TCF25: variants seen among roughly 807,000 people sequenced by gnomAD.
TCF25 encodes ribosome quality control complex subunit TCF25.
In TCF25, 41 loss-of-function variants were observed where a neutral mutation model predicts 83.1. The ratio of observed to expected loss-of-function variants is 0.49; its 90% CI spans 0.38 to 0.64. The LOEUF (loss-of-function observed/expected upper bound fraction) is 0.64. Among genes scored for constraint, TCF25 ranks in the 30% least tolerant of loss-of-function variants. The pLI is 0.00. For missense variants in TCF25, 979 were observed against 914.5 expected (o/e 1.07, Z -0.91); for synonymous variants, 458 against 365.0 (o/e 1.25, Z -2.90).
Position 89,881,299 on chromosome 16 carries a change from C to T in TCF25, c.193-2052C>T, listed in dbSNP as rs1487751771. Among the ~76,000 whole-genome samples the T allele has an allele frequency of 2.6e-5, 4 of 152,234 alleles. No individual in the cohort carries two copies. In the East Asian group the frequency reaches 7.7e-4, roughly 29 times the overall value. ...TATCTCAGGGCTATGGGGCTTGGAG[C>T]TGATTGTGTTTTCTGAGGTTTGTGG... On this transcript the variant is annotated intron_variant, in intron 1 of 17. Transcript: ENST00000263346.
At chr16:89,900,867 T>G in intron 12 of TCF25, 73 bp downstream of exon 12, 2 of 1,412,300 alleles carry the variant, frequency 1.4e-6, no homozygotes, top group Non-Finnish European at 1.9e-6. Flanking sequence ...TTCCTGGTGG[T>G]GGAGGCCAGG....
chr16:89,886,117 T>G (rs1396472511), intron 4 of TCF25, 151 bp downstream of exon 4: 3 of 705,138 alleles, frequency 4.3e-6, no homozygotes, highest in Non-Finnish European at 7.6e-6. Context: ...AAATGTACTG[T>G]CTTTATTTAA....
In TCF25 at chr16:89,911,250, G is replaced by C; in HGVS notation, c.*12G>C. 5 of 1,611,806 alleles carry C rather than the reference G, an allele frequency of 3.1e-6. No homozygotes were observed. Among genetic ancestry groups the C allele is most frequent in the Non-Finnish European group, 4.2e-6 (5 of 1,179,472 alleles). ...GGGAGTGGGACTGAGCGTCCGCAGA[G>C]GTGACCGAAAAGCCGTATGATGATG... On this transcript the variant is annotated 3_prime_UTR_variant, in exon 18 of 18. Coordinates refer to ENST00000263346, the MANE Select transcript of TCF25 (RefSeq NM_014972.3).
intron 16 of TCF25, among the ~76,000 whole-genome samples, chr16:89,907,666 C>G: frequency 1.7e-5 from 2 of 114,422 alleles, no homozygotes; most frequent in Non-Finnish European, 3.5e-5. Flanking sequence ...CTCCCAGCTC[C>G]CTCCTCCCAC....
intron 9 of TCF25, among the ~76,000 whole-genome samples, chr16:89,897,040 A>G (rs2043916189): frequency 6.9e-6 from 1 of 144,334 alleles, no homozygotes; most frequent in Non-Finnish European, 1.5e-5. Flanking sequence ...AAAAAAAAAA[A>G]AGAAGAAGAA....
rs77424615 is a variant in TCF25 at position 89,897,179 on chromosome 16, A to T, written c.1022+1096A>T. Among the ~76,000 whole-genome samples, 1,345 of 152,328 alleles carry T rather than the reference A, an allele frequency of 8.8e-3. 33 individuals are homozygous for T. The South Asian group carries it at 0.091, about 10-fold the overall frequency. ...TGGAAGGCTTTGCAGGTTTGACCTT[A>T]AATCAGTGAGGAGCTCAGAGTCAGC... On this transcript the variant is annotated intron_variant, in intron 9 of 17. Coordinates refer to ENST00000263346, the MANE Select transcript of TCF25 (RefSeq NM_014972.3).
In TCF25 at chr16:89,907,246, G is replaced by A. The variant is rs1290557562; in HGVS notation, c.1723G>A (p.Val575Met). ...CGTTTTATGTCCCTTTCTGAAGGAC[G>A]TGACCACGCAGTCTGTGATGGGGTT... ...KEAVAALPPD[V>M]TTQSVMGFDP... Residue 575 changes from valine (V) to methionine (M), a missense_variant, in exon 16 of 18, where the codon GTG becomes ATG. By Grantham distance (21) the Val-to-Met change is conservative. Transcript: ENST00000263346. The A allele has an allele frequency of 1.5e-5, 24 of 1,612,482 alleles. No individual in the cohort carries two copies. The highest frequency in any genetic ancestry group is 1.6e-4 in the Middle Eastern group (1 of 6,080).
At chr16:89,885,198 A>G (rs977103994) in intron 3 of TCF25, among the ~76,000 whole-genome samples, 1 of 152,126 alleles carries the variant, frequency 6.6e-6, no homozygotes, top group East Asian at 1.9e-4. Flanking sequence ...ATTCCTTCCT[A>G]TTAGGAGTAT....
Position 89,886,070 on chromosome 16 carries a change from T to C in TCF25, c.548+104T>C, listed in dbSNP as rs555381811. 61 of 682,670 alleles carry C rather than the reference T, an allele frequency of 8.9e-5. No homozygotes were observed. The Middle Eastern group carries it at 2.3e-3, about 26-fold the overall frequency. 42.3% of individuals were successfully genotyped at this position (682,670 alleles called of 1,614,324 possible). On this transcript the variant is annotated intron_variant, in intron 4 of 17. Transcript: ENST00000263346. ...CTTCTCTGTGGCTGCCACAGAGACTTCGTGGGAGGAAAAGGTTCTCTAAAA... is the reference window on the plus strand; with the variant it reads ...CTTCTCTGTGGCTGCCACAGAGACTCCGTGGGAGGAAAAGGTTCTCTAAAA...
In TCF25 at chr16:89,888,318, T is replaced by C. The variant is rs886638674; in HGVS notation, c.614+601T>C. 4.2e-5 allele frequency among the ~76,000 whole-genome samples: 6 copies of C among 144,518 alleles called. No homozygotes were observed. The Admixed American group carries it at 4.2e-4, about 10-fold the overall frequency. The allele number at this position is 144,518 out of a possible 152,430, so 94.8% of individuals were successfully genotyped here. A position where few individuals can be genotyped will look rare whatever the true frequency, so the allele number is the denominator to read the frequency against. On this transcript the variant is annotated intron_variant, in intron 5 of 17. Transcript: ENST00000263346. Reference sequence around the variant, plus strand: ...TTTTAAGATTCTAGTTTTGTCGTGGTGGCTCACGCCTGTAATCCCAGCACT... The same window carrying C: ...TTTTAAGATTCTAGTTTTGTCGTGGCGGCTCACGCCTGTAATCCCAGCACT...
At chr16:89,909,177 C>T (rs2045333659) in intron 16 of TCF25, 1 of 1,264,114 alleles carries the variant, frequency 7.9e-7, no homozygotes, top group Admixed American at 2.4e-5. Flanking sequence ...AAAACTGCAC[C>T]AGCCTGGCCA....
rs144168862 is a variant in TCF25 at position 89,900,937 on chromosome 16, C to T, written c.1381+143C>T. 8.6e-3 allele frequency: 8,141 copies of T among 950,936 alleles called. 253 individuals carry two copies. The highest frequency in any genetic ancestry group is 0.069 in the Admixed American group (2,300 of 33,132). 58.9% of individuals were successfully genotyped at this position (950,936 alleles called of 1,614,324 possible). ...TTCTCTGGTAGGGCCTGCAAACCTGCCCTACCAAACCTGAAAGAGGGTCGG... is the reference window on the plus strand; with the variant it reads ...TTCTCTGGTAGGGCCTGCAAACCTGTCCTACCAAACCTGAAAGAGGGTCGG... On this transcript the variant is annotated intron_variant, in intron 12 of 17. Transcript: ENST00000263346.
At chr16:89,908,942 C>G in intron 16 of TCF25, 3 of 1,289,314 alleles carry the variant, frequency 2.3e-6, no homozygotes, top group Non-Finnish European at 3.0e-6. Context: ...GGGCTCAGGG[C>G]TAAGTGGGTC....
At position 89,895,981 on chromosome 16, in the gene TCF25, T is replaced by C. The variant is rs374431497; in HGVS notation, c.929-9T>C. On this transcript the variant is annotated splice_polypyrimidine_tract_variant and intron_variant, in intron 8 of 17. Coordinates refer to ENST00000263346, the MANE Select transcript of TCF25 (RefSeq NM_014972.3). ...ATGACACCCTCCCCTGGCGTCCCTG[T>C]GCCCACAGAGAGAGCGCTGTACAGC... The C allele has an allele frequency of 6.2e-7, 1 of 1,613,214 alleles. No homozygotes were observed. The highest frequency in any genetic ancestry group is 8.5e-7 in the Non-Finnish European group (1 of 1,179,656).
At chr16:89,901,128 G>A (rs115319248) in intron 12 of TCF25, 152 of 229,724 alleles carry the variant, frequency 6.6e-4, no homozygotes, top group African/African-American at 3.1e-3. Context: ...GGAAGGTCTC[G>A]GCAGCGCCGA....
chr16:89,898,524 G>A (rs777095737), intron 9 of TCF25, 33 bp from the exon 10 acceptor site: 10 of 1,604,778 alleles, frequency 6.2e-6, no homozygotes, highest in East Asian at 2.2e-5. Flanking sequence ...CCTTTGTGTC[G>A]TTGTAATTCA....
chr16:89,893,670 C>T (rs991655553), intron 6 of TCF25, 58 bp from the exon 7 acceptor site: 12 of 1,610,814 alleles, frequency 7.4e-6, no homozygotes, highest in African/African-American at 6.7e-5. Context: ...GGGCTGTGCT[C>T]GGAGCTGCCC....
intron 1 of TCF25, among the ~76,000 whole-genome samples, chr16:89,881,628 A>G (rs1405063582): frequency 1.3e-5 from 2 of 151,974 alleles, no homozygotes; most frequent in Non-Finnish European, 1.5e-5. Context: ...AATTTTTTGT[A>G]GAGATGGGGT....
chr16:89,907,891 G>C (rs115914938), intron 16 of TCF25, among the ~76,000 whole-genome samples: 4 of 33,822 alleles, frequency 1.2e-4, no homozygotes, highest in African/African-American at 3.4e-4. Flanking sequence ...CCACCTCCCA[G>C]CTCCCGCCTC....
Sources: gnomAD v4.1 joint callset for allele counts (sites outside exome capture counted in the v4.1 genomes callset) on GRCh38, gnomAD v4.1.1 for gene constraint, MANE v1.5 for transcripts, NCBI Gene and HGNC (gene_info 2026-07-23, HGNC 2026-07-21) for gene names.